The following LOC128706665 variants were observed in gnomAD, a reference collection of about 807,000 sequenced individuals.
chr20:10,427,491 T>C, the LOC128706665 span, among the ~76,000 whole-genome samples: 1 of 152,236 alleles, frequency 6.6e-6, no homozygotes, highest in East Asian at 1.9e-4. Context: ...AATTGTACTA[T>C]GCCTTTTCTT....
At chr20:10,424,354 G>A in the LOC128706665 span, among the ~76,000 whole-genome samples, 2 of 152,022 alleles carry the variant, frequency 1.3e-5, no homozygotes, top group South Asian at 2.1e-4. Context: ...CCATGAGTTC[G>A]AGACTGCCTG....
chr20:10,428,959 C>T, the LOC128706665 span, among the ~76,000 whole-genome samples: 20 of 152,126 alleles, frequency 1.3e-4, 1 homozygote, highest in African/African-American at 4.8e-4. Context: ...CTTCATTATC[C>T]CCTCTCATCT....
At chr20:10,414,163 CACA>C in the LOC128706665 span, among the ~76,000 whole-genome samples, 2 of 151,900 alleles carry the variant, frequency 1.3e-5, no homozygotes, top group East Asian at 1.9e-4. Context: ...TTCTGTAAGG[CACA>C]ACAACATGGC....
chr20:10,419,608 A>G, the LOC128706665 span, among the ~76,000 whole-genome samples: 1 of 152,152 alleles, frequency 6.6e-6, no homozygotes, highest in African/African-American at 2.4e-5. Flanking sequence ...ATAAAGTTCA[A>G]TTTATAAATT....
At chr20:10,426,821 A>G in the LOC128706665 span, among the ~76,000 whole-genome samples, 4 of 152,234 alleles carry the variant, frequency 2.6e-5, no homozygotes, top group Non-Finnish European at 5.9e-5. Context: ...ATTAGAGGGC[A>G]AAAGAGTCTA....
the LOC128706665 span, among the ~76,000 whole-genome samples, chr20:10,416,149 T>A: frequency 6.7e-6 from 1 of 148,352 alleles, no homozygotes; most frequent in African/African-American, 2.5e-5. Context: ...GCTTGGCAGA[T>A]GGGTTTTTGT....
At chr20:10,416,392 A>T in the LOC128706665 span, among the ~76,000 whole-genome samples, 1 of 152,184 alleles carries the variant, frequency 6.6e-6, no homozygotes, top group African/African-American at 2.4e-5. Flanking sequence ...GTTATTAAAG[A>T]CTACGTGGGT....
chr20:10,433,827 G>A, the LOC128706665 span, among the ~76,000 whole-genome samples: 20 of 152,268 alleles, frequency 1.3e-4, no homozygotes, highest in East Asian at 2.7e-3. Context: ...AGGTGGGAGC[G>A]TGGTGAGGCG....
the LOC128706665 span, among the ~76,000 whole-genome samples, chr20:10,416,076 G>C: frequency 6.6e-6 from 1 of 152,146 alleles, no homozygotes; most frequent in Non-Finnish European, 1.5e-5. Flanking sequence ...TCCTAAACAA[G>C]GTGCTCCATA....
At chr20:10,432,447 C>T in the LOC128706665 span, among the ~76,000 whole-genome samples, 29 of 152,128 alleles carry the variant, frequency 1.9e-4, no homozygotes, top group African/African-American at 7.0e-4. Context: ...GGGATTGCAT[C>T]CAGGACCCAT....
At chr20:10,423,516 A>G in the LOC128706665 span, among the ~76,000 whole-genome samples, 3 of 152,198 alleles carry the variant, frequency 2.0e-5, no homozygotes, top group South Asian at 6.2e-4. Flanking sequence ...ATTAGGAACA[A>G]ATTAAATGAC....
the LOC128706665 span, among the ~76,000 whole-genome samples, chr20:10,417,117 G>C: frequency 2.0e-4 from 30 of 152,026 alleles, no homozygotes; most frequent in Non-Finnish European, 7.4e-5. Context: ...CAGGTGTGGT[G>C]GTGGGTGCCT....
the LOC128706665 span, among the ~76,000 whole-genome samples, chr20:10,429,701 G>C: frequency 6.6e-6 from 1 of 152,136 alleles, no homozygotes; most frequent in Non-Finnish European, 1.5e-5. Context: ...CCTGCCATTT[G>C]ACATAAGTGT....
the LOC128706665 span, among the ~76,000 whole-genome samples, chr20:10,422,045 TC>T: frequency 3.3e-5 from 5 of 152,104 alleles, no homozygotes; most frequent in Non-Finnish European, 7.4e-5. Context: ...AATTTCTTAT[TC>T]CCCCTTTTAA....
the LOC128706665 span, among the ~76,000 whole-genome samples, chr20:10,431,150 T>C: frequency 6.6e-6 from 1 of 152,182 alleles, no homozygotes; most frequent in Non-Finnish European, 1.5e-5. Context: ...TATTATCTTA[T>C]ACGAATCATA....
chr20:10,414,084 C>G, the LOC128706665 span, among the ~76,000 whole-genome samples: 1 of 152,170 alleles, frequency 6.6e-6, no homozygotes, highest in Admixed American at 6.5e-5. Context: ...GGTAGACCAA[C>G]TTTGACTTAA....
At chr20:10,423,056 T>C in the LOC128706665 span, among the ~76,000 whole-genome samples, 1 of 152,022 alleles carries the variant, frequency 6.6e-6, no homozygotes, top group South Asian at 2.1e-4. Context: ...CATTCACCAT[T>C]TACTTCTCCA....
At chr20:10,422,045 T>C in the LOC128706665 span, among the ~76,000 whole-genome samples, 1 of 152,104 alleles carries the variant, frequency 6.6e-6, no homozygotes, top group Non-Finnish European at 1.5e-5. Flanking sequence ...AATTTCTTAT[T>C]CCCCCTTTTA....
chr20:10,426,374 G>A, the LOC128706665 span, among the ~76,000 whole-genome samples: 2 of 152,178 alleles, frequency 1.3e-5, no homozygotes, highest in African/African-American at 4.8e-5. Context: ...GATCACTGAG[G>A]TCAACTAGCT....
Sources: gnomAD v4.1 joint callset for allele counts (sites outside exome capture counted in the v4.1 genomes callset) on GRCh38, gnomAD v4.1.1 for gene constraint, MANE v1.5 for transcripts.